Variants in EED observed in about 807,000 individuals in gnomAD.
The protein encoded by EED is polycomb protein EED.
In EED, 9 loss-of-function variants were observed where a neutral mutation model predicts 61.0. The ratio of observed to expected loss-of-function variants is 0.15; its 90% CI spans 0.09 to 0.26. The LOEUF (loss-of-function observed/expected upper bound fraction) is 0.26. Ranked by LOEUF, EED falls within the 10% of genes least tolerant of loss-of-function variation. The probability of loss-of-function intolerance (pLI) is 1.00; values close to 1 mark genes in which losing one functional copy is unlikely to be tolerated. For missense variants in EED, 315 were observed against 542.3 expected (o/e 0.58, Z 4.16); for synonymous variants, 187 against 174.4 (o/e 1.07, Z -0.57).
At chr11:86,286,971 C>CAAAAAAAAAA in the EED span, among the ~76,000 whole-genome samples, 8 of 68,332 alleles carry the variant, frequency 1.2e-4, no homozygotes, top group African/African-American at 3.4e-4. Context: ...GACTCCGTCT[C>CAAAAAAAAAA]AAAAAAAAAA....
Position 86,268,570 on chromosome 11 carries a change from A to T in EED, c.966+9A>T. Reference sequence around the variant, plus strand: ...ATTTGATACTTTCTAAGGTATGGTAACTGCAGTTAAGCTGTACTTCCATCG... The same window carrying T: ...ATTTGATACTTTCTAAGGTATGGTATCTGCAGTTAAGCTGTACTTCCATCG... On this transcript the variant is annotated intron_variant, in intron 9 of 11. Transcript: ENST00000263360. The T allele has an allele frequency of 1.3e-6, 2 of 1,568,342 alleles. No individual in the cohort carries two copies. The highest frequency in any genetic ancestry group is 8.7e-7 in the Non-Finnish European group (1 of 1,143,928).
chr11:86,264,453 A>T (rs537879806), intron 7 of EED, 190 bp downstream of exon 7: 89 of 422,026 alleles, frequency 2.1e-4, no homozygotes, highest in Non-Finnish European at 3.1e-4. Context: ...TTATTTATTT[A>T]TTTTTTAAAT....
chr11:86,271,773 T>C (rs1593764592), intron 9 of EED, among the ~76,000 whole-genome samples: 1 of 152,092 alleles, frequency 6.6e-6, no homozygotes, highest in Non-Finnish European at 1.5e-5. Context: ...CCTATTAATA[T>C]AGTAGATTAT....
At chr11:86,256,925 C>T (rs1945689566) in intron 5 of EED, among the ~76,000 whole-genome samples, 2 of 152,124 alleles carry the variant, frequency 1.3e-5, no homozygotes, top group African/African-American at 4.8e-5. Context: ...CTTTCATCAC[C>T]TGTTTTTAAC....
At chr11:86,256,241 A>G in intron 4 of EED, 146 bp from the exon 5 acceptor site, 1 of 673,450 alleles carries the variant, frequency 1.5e-6, no homozygotes, top group Non-Finnish European at 2.2e-6. Flanking sequence ...TAGACCTCAA[A>G]TCACCATTGT....
intron 1 of EED, 52 bp downstream of exon 1, chr11:86,245,395 C>A (rs767371453): frequency 6.9e-7 from 1 of 1,453,068 alleles, no homozygotes; most frequent in South Asian, 1.2e-5. Context: ...GTTTTAAATT[C>A]TTTTAAAACG....
At chr11:86,245,900 G>A (rs1945379858) in intron 1 of EED, among the ~76,000 whole-genome samples, 1 of 152,154 alleles carries the variant, frequency 6.6e-6, no homozygotes. Flanking sequence ...TCTGTAGGAG[G>A]AGCCGAATTG....
intron 9 of EED, among the ~76,000 whole-genome samples, chr11:86,270,859 T>C (rs1221872056): frequency 6.6e-6 from 1 of 152,224 alleles, no homozygotes; most frequent in East Asian, 1.9e-4. Context: ...GATTTTCCTG[T>C]TCTGTTTCAT....
intron 6 of EED, among the ~76,000 whole-genome samples, chr11:86,263,428 C>T (rs916463244): frequency 1.3e-5 from 2 of 152,170 alleles, no homozygotes; most frequent in African/African-American, 4.8e-5. Context: ...GCAATAGTCC[C>T]GTTTCTGAGT....
rs1489504268 is a variant in EED, at chr11:86,245,354, C to T, written c.114+11C>T. The T allele has an allele frequency of 6.3e-7, 1 of 1,598,810 alleles. No homozygotes were observed. Among genetic ancestry groups the T allele is most frequent in the Non-Finnish European group, 8.6e-7 (1 of 1,167,912 alleles). On this transcript the variant is annotated intron_variant, in intron 1 of 11. Transcript: ENST00000263360. ...TCTGGAGACGAGAATGTAAGTGCAG[C>T]TTCTGGCAGTTACGAGACTGCGGAG...
Position 86,270,239 on chromosome 11 carries a change from A to T in EED, c.966+1678A>T. The T allele has an allele frequency of 5.3e-6, 3 of 567,386 alleles. 1 individual carries two copies. The South Asian group carries it at 6.6e-5, about 13-fold the overall frequency. The allele number at this position is 567,386 out of a possible 1,614,324, so 35.1% of individuals were successfully genotyped here. A position where few individuals can be genotyped will look rare whatever the true frequency, so the allele number is the denominator to read the frequency against. ...CGTGGTCTTAATTTGCATTTCCCTG[A>T]TGGCTAGTGATGTTGAACATCTTTT... On this transcript the variant is annotated intron_variant, in intron 9 of 11. Transcript: ENST00000263360.
chr11:86,263,419 C>A (rs2138188110), intron 6 of EED, among the ~76,000 whole-genome samples: 1 of 152,276 alleles, frequency 6.6e-6, no homozygotes, highest in South Asian at 2.1e-4. Flanking sequence ...GTATTTATAG[C>A]AATAGTCCCG....
chr11:86,249,153 GGAGA>G (rs2138129733), intron 1 of EED, among the ~76,000 whole-genome samples: 1 of 152,098 alleles, frequency 6.6e-6, no homozygotes, highest in South Asian at 2.1e-4. Context: ...CTGAAAAGGT[GGAGA>G]GAAAAAGAGA....
intron 3 of EED, among the ~76,000 whole-genome samples, chr11:86,253,164 A>G (rs1003232797): frequency 3.3e-5 from 5 of 152,242 alleles, no homozygotes; most frequent in African/African-American, 1.2e-4. Flanking sequence ...AACATGAAAT[A>G]ATAGCTTTTT....
intron 6 of EED, among the ~76,000 whole-genome samples, chr11:86,260,424 T>G (rs569433027): frequency 4.5e-4 from 69 of 152,230 alleles, no homozygotes; most frequent in Middle Eastern, 3.4e-3. Context: ...AGATACGGTT[T>G]CATTATGTTG....
chr11:86,246,309 C>T (rs888341157), intron 1 of EED, among the ~76,000 whole-genome samples: 2 of 152,242 alleles, frequency 1.3e-5, no homozygotes, highest in South Asian at 2.1e-4. Flanking sequence ...ATGTGATTCT[C>T]CTTCTCATGA....
chr11:86,279,268 A>AGG (rs3044949), downstream of EED, among the ~76,000 whole-genome samples: 7,974 of 152,266 alleles, frequency 0.052, 290 homozygotes, highest in East Asian at 0.14. Flanking sequence ...GTAACCTTAG[A>AGG]GGAGATATCA....
At chr11:86,261,270 T>C (rs896637381) in intron 6 of EED, among the ~76,000 whole-genome samples, 10 of 152,332 alleles carry the variant, frequency 6.6e-5, no homozygotes, top group African/African-American at 2.2e-4. Flanking sequence ...TAAGGGTAAC[T>C]GGTCCCAAGT....
chr11:86,261,444 ATCTTATG>A (rs1457825085), intron 6 of EED, among the ~76,000 whole-genome samples: 1 of 152,198 alleles, frequency 6.6e-6, no homozygotes, highest in African/African-American at 2.4e-5. Context: ...CCCACATAGC[ATCTTATG>A]AGTTGGAGTC....
Sources: gnomAD v4.1 joint callset for allele counts (sites outside exome capture counted in the v4.1 genomes callset) on GRCh38, gnomAD v4.1.1 for gene constraint, MANE v1.5 for transcripts, NCBI Gene and HGNC (gene_info 2026-07-23, HGNC 2026-07-21) for gene names.